The following GPC1 variants were observed in gnomAD, a reference collection of about 807,000 sequenced individuals.
GPC1 encodes glypican-1.
A neutral mutation model predicts 51.5 loss-of-function variants in GPC1; 26 were observed. That is an observed-to-expected ratio of 0.50 (90% CI 0.37 to 0.70). GPC1 has a LOEUF of 0.70. GPC1 is among the 30% of genes least tolerant of loss of function. The pLI is 0.00. For synonymous variants in GPC1, 380 were observed against 348.3 expected, an observed-to-expected ratio of 1.09 and a Z score of -1.01; for missense variants, 775 against 800.5, an observed-to-expected ratio of 0.97 and a Z score of 0.38.
At chr2:240,462,633 C>A (rs2074226882) in intron 3 of GPC1, 51 bp downstream of exon 3, 2 of 1,467,216 alleles carry the variant, frequency 1.4e-6, no homozygotes, top group South Asian at 1.3e-5. Flanking sequence ...CCCCCATGCT[C>A]TGCCCAAGGG....
In GPC1 at chr2:240,436,616, C is replaced by A. The variant is rs543569497; in HGVS notation, c.166+532C>A. On this transcript the variant is annotated intron_variant, in intron 1 of 8. Coordinates refer to ENST00000264039, the MANE Select transcript of GPC1 (RefSeq NM_002081.3). ...TCCTGCCCGGGGATTCTCGTAGGGTCTCCAGCAAAGGCAGCCTAGGTGGGT... is the reference window on the plus strand; with the variant it reads ...TCCTGCCCGGGGATTCTCGTAGGGTATCCAGCAAAGGCAGCCTAGGTGGGT... Among the ~76,000 whole-genome samples the A allele has an allele frequency of 9.8e-5, 15 of 152,388 alleles. 1 individual carries two copies. In the South Asian group the frequency reaches 3.1e-3, roughly 32 times the overall value.
rs1225987153 is a variant in GPC1, at chr2:240,435,673, G to T, written c.-246G>T. On this transcript the variant is annotated 5_prime_UTR_variant, in exon 1 of 9. Coordinates refer to ENST00000264039, the MANE Select transcript of GPC1 (RefSeq NM_002081.3). ...GGCGGCGGGGGAGGCGCCGAGCCGG[G>T]ACTGCGCTAGCCCGCCGCGCTCTGG... is the stretch of plus-strand genomic sequence containing the variant. The T allele has an allele frequency of 2.0e-4, 33 of 168,184 alleles. No homozygotes were observed. In the South Asian group the frequency reaches 5.7e-3, roughly 29 times the overall value. 10.4% of individuals were successfully genotyped at this position (168,184 alleles called of 1,614,324 possible).
At chr2:240,453,683 A>G (rs2074128006) in intron 1 of GPC1, among the ~76,000 whole-genome samples, 2 of 111,020 alleles carry the variant, frequency 1.8e-5, no homozygotes, top group South Asian at 6.7e-4. Context: ...CCACTGCACC[A>G]GTGCCCCCTC....
chr2:240,443,533 C>T (rs1312801876), intron 1 of GPC1, among the ~76,000 whole-genome samples: 1 of 152,152 alleles, frequency 6.6e-6, no homozygotes, highest in East Asian at 1.9e-4. Flanking sequence ...GAGGAGACCT[C>T]CCAGGGCTGT....
chr2:240,454,575 T>TG (rs1165583289), intron 1 of GPC1, among the ~76,000 whole-genome samples: 1 of 152,156 alleles, frequency 6.6e-6, no homozygotes, highest in Non-Finnish European at 1.5e-5. Context: ...CCTTGCGTGT[T>TG]GGGGGGCTGC....
intron 5 of GPC1, 38 bp downstream of exon 5, chr2:240,464,784 G>A: frequency 3.8e-6 from 6 of 1,582,204 alleles, no homozygotes; most frequent in Non-Finnish European, 5.2e-6. Context: ...AGCGGGGTGG[G>A]GGTCCTGGAT....
At chr2:240,444,508 C>T (rs956092460) in intron 1 of GPC1, among the ~76,000 whole-genome samples, 2 of 152,240 alleles carry the variant, frequency 1.3e-5, no homozygotes, top group African/African-American at 4.8e-5. Context: ...GCACGTCTCC[C>T]TCCTGGGAAC....
At chr2:240,464,294 G>A (rs992737708) in intron 4 of GPC1, 36 of 368,652 alleles carry the variant, frequency 9.8e-5, no homozygotes, top group Middle Eastern at 8.8e-4. Flanking sequence ...GTGAGCCAGC[G>A]TATGTACATG....
rs1479499366 is a variant in GPC1 at position 240,462,419 on chromosome 2, C to T, written c.554C>T (p.Pro185Leu). ...FKQLHPQLLL[P>L]DDYLDCLGKQ... ...CAGCTGCACCCCCAGCTGCTGCTGC[C>T]TGATGACTACCTGGACTGCCTGGGC... Residue 185 changes from proline to leucine, a missense_variant, in exon 3 of 9, where the codon CCT (proline) becomes CTT (leucine). By Grantham distance (98) the Pro-to-Leu change is moderately conservative. Coordinates refer to ENST00000264039, the MANE Select transcript of GPC1 (RefSeq NM_002081.3). 1 of 1,604,574 alleles carries T rather than the reference C, an allele frequency of 6.2e-7. No homozygotes were observed. Among genetic ancestry groups the T allele is most frequent in the Non-Finnish European group, 8.5e-7 (1 of 1,176,128 alleles).
rs1172277018 is a variant in GPC1 at position 240,436,098 on chromosome 2, C to A, written c.166+14C>A. The A allele has an allele frequency of 7.8e-7, 1 of 1,274,128 alleles. No individual in the cohort carries two copies. Among genetic ancestry groups the A allele is most frequent in the East Asian group, 3.0e-5 (1 of 33,630 alleles). 78.9% of individuals were successfully genotyped at this position (1,274,128 alleles called of 1,614,324 possible). On this transcript the variant is annotated intron_variant, in intron 1 of 8. Coordinates refer to ENST00000264039, the MANE Select transcript of GPC1 (RefSeq NM_002081.3). ...CGGAGATCTCGGGTGAGTGAGGGCG[C>A]GGCGCCGGGAACCCGGGCCTGGCCG...
chr2:240,436,277 C>G (rs1156933246), intron 1 of GPC1, among the ~76,000 whole-genome samples, 193 bp downstream of exon 1: 1 of 152,090 alleles, frequency 6.6e-6, no homozygotes, highest in Admixed American at 6.5e-5. Flanking sequence ...CCCCGCGCCG[C>G]ACTCCCTCGC....
intron 1 of GPC1, chr2:240,457,909 G>GC (rs1041491786): frequency 8.4e-5 from 26 of 309,600 alleles, no homozygotes; most frequent in Non-Finnish European, 1.6e-4. Flanking sequence ...TGCTGACAAC[G>GC]CCCCCCCTTG....
intron 1 of GPC1, among the ~76,000 whole-genome samples, chr2:240,440,306 G>C (rs573825898): frequency 6.6e-6 from 1 of 152,214 alleles, no homozygotes; most frequent in African/African-American, 2.4e-5. Flanking sequence ...CACATCAGAC[G>C]GAAGGGGTCT....
chr2:240,465,040 G>T (rs1408624768), intron 6 of GPC1, 37 bp from the exon 7 acceptor site: 3 of 1,581,310 alleles, frequency 1.9e-6, no homozygotes, highest in Non-Finnish European at 2.6e-6. Flanking sequence ...AGGCGGGCGG[G>T]CCCTGGCAGC....
At chr2:240,442,853 G>A (rs1399176475) in intron 1 of GPC1, among the ~76,000 whole-genome samples, 1 of 152,236 alleles carries the variant, frequency 6.6e-6, no homozygotes, top group Non-Finnish European at 1.5e-5. Flanking sequence ...TGGGCTTAGA[G>A]CTCAGCACAG....
Position 240,459,203 on chromosome 2 carries a change from C to CG in GPC1, c.325+18dup, listed in dbSNP as rs1559201073. 2.5e-6 allele frequency: 4 copies of CG among 1,607,216 alleles called. No homozygotes were observed. Among genetic ancestry groups the CG allele is most frequent in the Non-Finnish European group, 3.4e-6 (4 of 1,177,028 alleles). ...CAGCTTCGATGGTGAGTGCCTCCCA[C>CG]GGGCGCTCGGGGCCCGCAGGGTGCC... On this transcript the variant is annotated intron_variant, in intron 2 of 8. Transcript: ENST00000264039.
rs751358453 is a variant in GPC1 at position 240,466,305 on chromosome 2, C to T, written c.*15C>T. On this transcript the variant is annotated 3_prime_UTR_variant, in exon 9 of 9. Coordinates refer to ENST00000264039, the MANE Select transcript of GPC1 (RefSeq NM_002081.3). The stretch of plus-strand genomic sequence containing the variant: ...GGTGGCGGTAACTGCCCCAAGGCCC[C>T]AGGGACAGAGGCCAAGGACTGACTT... The T allele has an allele frequency of 7.1e-6, 10 of 1,404,684 alleles. No individual in the cohort carries two copies. In the Middle Eastern group the frequency reaches 5.3e-4, roughly 74 times the overall value. 87.0% of individuals were successfully genotyped at this position (1,404,684 alleles called of 1,614,324 possible).
At chr2:240,453,557 G>C (rs1480540350) in intron 1 of GPC1, among the ~76,000 whole-genome samples, 2 of 24,466 alleles carry the variant, frequency 8.2e-5, no homozygotes, top group South Asian at 1.3e-3. Context: ...CCCCACCCCC[G>C]TGCCTGCCGC....
intron 1 of GPC1, chr2:240,453,117 C>T: frequency 3.6e-6 from 1 of 275,080 alleles, no homozygotes; most frequent in South Asian, 2.8e-5. Context: ...CCCCCATCTC[C>T]ACCCGCTCCT....
Sources: allele counts gnomAD v4.1 joint callset (sites outside exome capture counted in the v4.1 genomes callset), GRCh38; gene constraint gnomAD v4.1.1; transcripts MANE v1.5; gene names NCBI Gene and HGNC (gene_info 2026-07-23, HGNC 2026-07-21).